Variants in PHLDB2 observed in about 807,000 individuals in gnomAD.
PHLDB2 encodes the protein pleckstrin homology like domain family B member 2.
In PHLDB2, 71 loss-of-function variants were observed where a neutral mutation model predicts 123.6. The ratio of observed to expected loss-of-function variants is 0.57; its 90% CI spans 0.47 to 0.70. The LOEUF (loss-of-function observed/expected upper bound fraction) is 0.70, where lower values mean the gene tolerates loss of function less well. Among genes scored for constraint, PHLDB2 ranks in the 30% least tolerant of loss-of-function variants. The pLI, the probability that PHLDB2 is intolerant of heterozygous loss-of-function variation, is 0.00. For synonymous variants in PHLDB2, 547 were observed against 541.6 expected, an observed-to-expected ratio of 1.01 and a Z score of -0.14; for missense variants, 1,446 against 1,519.5, an observed-to-expected ratio of 0.95 and a Z score of 0.80.
At chr3:111,972,965 A>G (rs1405219586) in intron 16 of PHLDB2, among the ~76,000 whole-genome samples, 1 of 152,168 alleles carries the variant, frequency 6.6e-6, no homozygotes, top group African/African-American at 2.4e-5. Context: ...TTCCACTACT[A>G]GGGTATGATA....
chr3:111,861,856 AT>A (rs1367033277), intron 1 of PHLDB2, among the ~76,000 whole-genome samples: 1 of 152,176 alleles, frequency 6.6e-6, no homozygotes, highest in East Asian at 1.9e-4. Flanking sequence ...TCAAAGCTCC[AT>A]TTTGAGATCT....
chr3:111,952,419 A>G (rs146143694), intron 10 of PHLDB2, among the ~76,000 whole-genome samples, 153 bp from the exon 11 acceptor site: 45 of 152,356 alleles, frequency 3.0e-4, no homozygotes, highest in African/African-American at 1.0e-3. Context: ...TACTAGCTCA[A>G]ATCTATCAGT....
intron 2 of PHLDB2, among the ~76,000 whole-genome samples, chr3:111,907,971 A>G (rs561325670): frequency 5.6e-4 from 85 of 152,168 alleles, no homozygotes; most frequent in Non-Finnish European, 9.9e-4. Flanking sequence ...TAATTTTTGC[A>G]TTTTTTGTAG....
intron 16 of PHLDB2, among the ~76,000 whole-genome samples, chr3:111,972,747 A>G (rs1409366189): frequency 6.6e-6 from 1 of 152,040 alleles, no homozygotes; most frequent in Non-Finnish European, 1.5e-5. Context: ...TCATTGTATG[A>G]CTGGTCTATA....
chr3:111,863,630 A>T (rs73228518), intron 1 of PHLDB2, among the ~76,000 whole-genome samples: 15,446 of 152,244 alleles, frequency 0.1, 1,032 homozygotes, highest in Non-Finnish European at 0.14. Context: ...CAACCAACTA[A>T]CTGGGTTAGA....
chr3:111,847,906 C>G (rs567524136), intron 2 of PHLDB2, among the ~76,000 whole-genome samples: 39 of 152,080 alleles, frequency 2.6e-4, no homozygotes, highest in Non-Finnish European at 4.4e-4. Flanking sequence ...GAAGAAGTTT[C>G]CCAGATAAGG....
In PHLDB2 at chr3:111,862,769, G is replaced by A. The variant is rs577024938; in HGVS notation, c.-15+3193G>A. Among the ~76,000 whole-genome samples, 8 of 152,320 alleles carry A rather than the reference G, an allele frequency of 5.3e-5. No individual in the cohort carries two copies. The East Asian group carries it at 1.5e-3, about 29-fold the overall frequency. On this transcript the variant is annotated intron_variant, in intron 1 of 17. Coordinates refer to ENST00000431670, the MANE Select transcript of PHLDB2 (RefSeq NM_001134438.2). ...ATATACCATAGAGGTCGAGGAACTT[G>A]TGTTCATTGACAACTTTGAGATGGA...
At chr3:111,949,864 A>C in intron 10 of PHLDB2, 1 of 986,088 alleles carries the variant, frequency 1.0e-6, no homozygotes, top group Non-Finnish European at 1.2e-6. Context: ...GAAACACAGA[A>C]GGCAGCAGCA....
At chr3:111,845,331 G>T (rs112723398) in intron 1 of PHLDB2, among the ~76,000 whole-genome samples, 1,997 of 112,722 alleles carry the variant, frequency 0.018, 47 homozygotes, top group African/African-American at 0.064. Flanking sequence ...CTCCAGCCTG[G>T]GTGACAGAGC....
At chr3:111,890,184 A>G (rs967013506) in intron 2 of PHLDB2, among the ~76,000 whole-genome samples, 1 of 152,236 alleles carries the variant, frequency 6.6e-6, no homozygotes. Context: ...CAGATCGTGA[A>G]ACCAGATTCC....
intron 1 of PHLDB2, among the ~76,000 whole-genome samples, chr3:111,811,605 C>G (rs73226317): frequency 0.045 from 6,816 of 152,150 alleles, 223 homozygotes; most frequent in Middle Eastern, 0.082. Context: ...TACTGGCACC[C>G]TATTGATTGT....
intron 1 of PHLDB2, among the ~76,000 whole-genome samples, chr3:111,746,569 C>T (rs2059685113): frequency 6.6e-6 from 1 of 152,084 alleles, no homozygotes. Context: ...TTAAGACCAA[C>T]CTGGGCAACA....
At chr3:111,924,715 G>A (rs1056223514) in intron 5 of PHLDB2, among the ~76,000 whole-genome samples, 6 of 152,240 alleles carry the variant, frequency 3.9e-5, no homozygotes, top group East Asian at 1.9e-4. Context: ...GGCAAGCTCC[G>A]ATTCAGATGT....
intron 9 of PHLDB2, among the ~76,000 whole-genome samples, chr3:111,947,114 G>T (rs1341761907): frequency 6.6e-6 from 1 of 152,166 alleles, no homozygotes; most frequent in Non-Finnish European, 1.5e-5. Flanking sequence ...GGAAGGAATT[G>T]TTTAAGAGGG....
At chr3:111,826,572 G>A (rs1353927530) in intron 1 of PHLDB2, among the ~76,000 whole-genome samples, 2 of 152,116 alleles carry the variant, frequency 1.3e-5, no homozygotes, top group African/African-American at 4.8e-5. Flanking sequence ...GCTAAACAAA[G>A]AATTGAACCC....
At chr3:111,966,562 G>A in intron 13 of PHLDB2, 51 bp from the exon 14 acceptor site, 1 of 1,277,120 alleles carries the variant, frequency 7.8e-7, no homozygotes, top group South Asian at 1.3e-5. Context: ...GTATTAGAGA[G>A]ACTTCTCAGT....
chr3:111,739,654 C>A (rs1205882296), intron 1 of PHLDB2, among the ~76,000 whole-genome samples: 3 of 151,158 alleles, frequency 2.0e-5, no homozygotes, highest in African/African-American at 7.3e-5. Context: ...GCTCTGAATC[C>A]TGAGATCACC....
intron 2 of PHLDB2, among the ~76,000 whole-genome samples, chr3:111,849,635 T>G (rs2064162702): frequency 6.6e-6 from 1 of 152,210 alleles, no homozygotes; most frequent in African/African-American, 2.4e-5. Flanking sequence ...TTTAGGAATA[T>G]TTGTAACTCA....
chr3:111,945,262 C>T lies in PHLDB2; in HGVS notation c.2398-6C>T, dbSNP rs751219078. The T allele has an allele frequency of 1.2e-5, 19 of 1,595,888 alleles. No individual in the cohort carries two copies. The highest frequency in any genetic ancestry group is 1.5e-5 in the Non-Finnish European group (17 of 1,165,892). On this transcript the variant is annotated splice_region_variant and splice_polypyrimidine_tract_variant and intron_variant, in intron 8 of 17. Transcript: ENST00000431670. The stretch of plus-strand genomic sequence containing the variant: ...TTTAAGTTTAATAGGTTTTGTATTC[C>T]TTCAGGAAAAGGAGAATCTTTGTAA...
Sources: gnomAD v4.1 joint callset for allele counts (sites outside exome capture counted in the v4.1 genomes callset) on GRCh38, gnomAD v4.1.1 for gene constraint, MANE v1.5 for transcripts, NCBI Gene and HGNC (gene_info 2026-07-23, HGNC 2026-07-21) for gene names.